TRPM8: variants seen among roughly 807,000 people sequenced by gnomAD.
TRPM8 encodes transient receptor potential cation channel subfamily M member 8.
A neutral mutation model predicts 133.7 loss-of-function variants in TRPM8; 110 were observed. That is an observed-to-expected ratio of 0.82 (90% CI 0.70 to 0.96). The LOEUF is 0.96. TRPM8 is among the 40% of genes least tolerant of loss of function. The pLI is 0.00. For synonymous variants in TRPM8, 535 were observed against 532.3 expected (o/e 1.01, Z -0.07); for missense variants, 1,291 against 1,379.5 (o/e 0.94, Z 1.02).
rs1172049360 is a variant in TRPM8 at position 233,945,923 on chromosome 2, A to G, written c.767A>G (p.Asn256Ser). ...GATCCACTGTATATCCTGGACAACA[A>G]CCACACACATTTGCTGCTCGTGGAC... The part of the protein sequence containing the change: ...TRDPLYILDN[N>S]HTHLLLVDNG... Residue 256 changes from asparagine (N) to serine (S), a missense_variant, in exon 7 of 26, where the codon AAC becomes AGC. Asn to Ser is a conservative substitution (Grantham distance 46). This residue lies in a region of TRPM8 where 963 missense variants were observed against 968.9 expected (regional missense o/e 0.99). Transcript: ENST00000324695. 7 of 1,614,024 alleles carry G rather than the reference A, an allele frequency of 4.3e-6. No homozygotes were observed. In the African/African-American group the frequency reaches 6.7e-5, roughly 15 times the overall value.
At chr2:233,944,012 G>C (rs1453419749) in intron 6 of TRPM8, among the ~76,000 whole-genome samples, 1 of 152,100 alleles carries the variant, frequency 6.6e-6, no homozygotes, top group African/African-American at 2.4e-5. Context: ...CATGGTAGAG[G>C]GGGAGGAGGA....
intron 17 of TRPM8, among the ~76,000 whole-genome samples, chr2:233,974,104 G>A (rs997014448): frequency 3.3e-5 from 5 of 152,202 alleles, no homozygotes; most frequent in African/African-American, 1.2e-4. Flanking sequence ...GGAGGGGGAA[G>A]TGTCCCAACA....
intron 5 of TRPM8, among the ~76,000 whole-genome samples, chr2:233,940,026 T>C (rs1690865463): frequency 6.6e-6 from 1 of 151,724 alleles, no homozygotes; most frequent in Non-Finnish European, 1.5e-5. Flanking sequence ...TCTCAGTTTG[T>C]ATTCCAAATC....
chr2:233,925,064 C>A (rs759833966), intron 1 of TRPM8, among the ~76,000 whole-genome samples: 1 of 152,104 alleles, frequency 6.6e-6, no homozygotes, highest in Admixed American at 6.5e-5. Context: ...GAGTCATGGC[C>A]CCCTGGGCTG....
chr2:233,976,110 T>C (rs1403495524), intron 17 of TRPM8, among the ~76,000 whole-genome samples: 1 of 152,152 alleles, frequency 6.6e-6, no homozygotes, highest in East Asian at 1.9e-4. Context: ...GGCACTGTTC[T>C]AGACAGCAAT....
intron 17 of TRPM8, among the ~76,000 whole-genome samples, chr2:233,976,517 C>T (rs1327709189): frequency 6.6e-6 from 1 of 152,172 alleles, no homozygotes; most frequent in African/African-American, 2.4e-5. Context: ...GGACAACGTG[C>T]TGTGAGTAAT....
intron 22 of TRPM8, among the ~76,000 whole-genome samples, chr2:234,001,749 G>A (rs962844893): frequency 7.9e-5 from 12 of 152,234 alleles, no homozygotes; most frequent in African/African-American, 2.9e-4. Context: ...TTCTGGGGCT[G>A]CAGCCATGAA....
At chr2:233,941,436 C>T (rs1690902357) in intron 5 of TRPM8, among the ~76,000 whole-genome samples, 1 of 152,116 alleles carries the variant, frequency 6.6e-6, no homozygotes, top group South Asian at 2.1e-4. Flanking sequence ...ATCGTACTTA[C>T]CTGAAAATAT....
At chr2:233,923,765 C>T (rs1429810150) in intron 1 of TRPM8, among the ~76,000 whole-genome samples, 1 of 152,060 alleles carries the variant, frequency 6.6e-6, no homozygotes, top group Non-Finnish European at 1.5e-5. Context: ...CTCTCTTCTG[C>T]CTGGGGAGGC....
Position 233,959,658 on chromosome 2 carries a change from A to G in TRPM8, c.1363-1118A>G, listed in dbSNP as rs116095079. Among the ~76,000 whole-genome samples, 815 of 152,250 alleles carry G rather than the reference A, an allele frequency of 5.4e-3. 3 individuals are homozygous for G. Among genetic ancestry groups the G allele is most frequent in the Non-Finnish European group, 9.4e-3 (639 of 68,018 alleles). ...TTTAATGCTGGAAATGTAGATTTTG[A>G]TGAACTTTCTAATTTTTAAATGTTG... On this transcript the variant is annotated intron_variant, in intron 11 of 25. Coordinates refer to ENST00000324695, the MANE Select transcript of TRPM8 (RefSeq NM_024080.5).
intron 11 of TRPM8, among the ~76,000 whole-genome samples, chr2:233,960,073 C>G (rs4663345): frequency 0.23 from 34,403 of 151,790 alleles, 6,270 homozygotes; most frequent in African/African-American, 0.5. Flanking sequence ...TAAGATTATC[C>G]GTAAGTTCCT....
At chr2:233,959,849 T>C (rs1449500969) in intron 11 of TRPM8, among the ~76,000 whole-genome samples, 1 of 152,086 alleles carries the variant, frequency 6.6e-6, no homozygotes, top group African/African-American at 2.4e-5. Flanking sequence ...TGGTGTGATC[T>C]TGGCTCACTG....
Position 233,954,031 on chromosome 2 carries a change from T to C in TRPM8, c.1243+12T>C, listed in dbSNP as rs1006095905. On this transcript the variant is annotated intron_variant, in intron 10 of 25. Transcript: ENST00000324695. ...CGCTCTATACAAAGGTGAGTAAAAATAGCTCCTTTTGAAGTGTCAGCTTTG... is the reference window on the plus strand; with the variant it reads ...CGCTCTATACAAAGGTGAGTAAAAACAGCTCCTTTTGAAGTGTCAGCTTTG... The C allele has an allele frequency of 3.2e-6, 5 of 1,572,914 alleles. No homozygotes were observed. The African/African-American group carries it at 5.5e-5, about 17-fold the overall frequency.
intron 21 of TRPM8, among the ~76,000 whole-genome samples, chr2:233,986,782 TAA>T (rs1383020253): frequency 6.6e-6 from 1 of 152,184 alleles, no homozygotes; most frequent in Non-Finnish European, 1.5e-5. Context: ...TGTGAATTTA[TAA>T]GAGAAAGACA....
At chr2:233,926,957 C>T (rs535722192) in intron 2 of TRPM8, among the ~76,000 whole-genome samples, 2 of 152,260 alleles carry the variant, frequency 1.3e-5, no homozygotes, top group South Asian at 4.1e-4. Flanking sequence ...GCCTTCAGGA[C>T]ACAGACGTGC....
chr2:233,921,672 C>T (rs1223880952), intron 1 of TRPM8, among the ~76,000 whole-genome samples: 49 of 117,202 alleles, frequency 4.2e-4, no homozygotes, highest in South Asian at 8.4e-4. Flanking sequence ...TTTTTCTTTT[C>T]TTTTCTTTTT....
chr2:234,006,042 GAA>G, intron 22 of TRPM8, among the ~76,000 whole-genome samples: 1 of 151,730 alleles, frequency 6.6e-6, no homozygotes, highest in Non-Finnish European at 1.5e-5. Flanking sequence ...TAAATCCAGA[GAA>G]ATCTTATAAT....
chr2:233,947,526 CA>C, intron 8 of TRPM8: 1 of 1,302,762 alleles, frequency 7.7e-7, no homozygotes, highest in African/African-American at 1.5e-5. Context: ...AGATTGCCCC[CA>C]AACCAGATGT....
intron 1 of TRPM8, among the ~76,000 whole-genome samples, chr2:233,921,108 G>C (rs1052267444): frequency 1.3e-5 from 2 of 151,944 alleles, no homozygotes; most frequent in African/African-American, 4.8e-5. Flanking sequence ...CGATCCACCC[G>C]CCTTGGCCTC....
Sources: allele counts gnomAD v4.1 joint callset (sites outside exome capture counted in the v4.1 genomes callset), GRCh38; gene constraint gnomAD v4.1.1; regional missense constraint gnomAD v4.1.1; transcripts MANE v1.5; gene names NCBI Gene and HGNC (gene_info 2026-07-23, HGNC 2026-07-21).